The following CDH12 variants were observed in gnomAD, a reference collection of about 807,000 sequenced individuals.
CDH12 encodes the protein cadherin-12.
CDH12 carries 41 observed loss-of-function variants against 74.1 expected under a neutral mutation model. The ratio of observed to expected loss-of-function variants is 0.55; its 90% CI spans 0.43 to 0.72. The LOEUF (loss-of-function observed/expected upper bound fraction) is 0.72. Among genes scored for constraint, CDH12 ranks in the 30% least tolerant of loss-of-function variants. The pLI is 0.00. For missense variants in CDH12, 945 were observed against 977.2 expected (o/e 0.97, Z 0.44); for synonymous variants, 399 against 355.0 (o/e 1.12, Z -1.39).
At chr5:22,670,620 T>A (rs2126912834) in intron 1 of CDH12, among the ~76,000 whole-genome samples, 1 of 152,246 alleles carries the variant, frequency 6.6e-6, no homozygotes, top group African/African-American at 2.4e-5. Flanking sequence ...AGAAATTACA[T>A]GCTTTACTGG....
chr5:22,592,673 C>T (rs1436210937), intron 1 of CDH12, among the ~76,000 whole-genome samples: 1 of 137,958 alleles, frequency 7.2e-6, no homozygotes, highest in African/African-American at 2.7e-5. Context: ...ACAGCTCTCC[C>T]CCTCCACCCC....
intron 2 of CDH12, among the ~76,000 whole-genome samples, chr5:22,420,640 G>A (rs906070157): frequency 6.6e-6 from 1 of 151,956 alleles, no homozygotes; most frequent in African/African-American, 2.4e-5. Context: ...CCTTAAGATT[G>A]TCTCGGCTAT....
chr5:21,769,953 G>A (rs1354375551), intron 11 of CDH12, among the ~76,000 whole-genome samples: 3 of 152,168 alleles, frequency 2.0e-5, no homozygotes, highest in Admixed American at 2.0e-4. Flanking sequence ...ATTTCTATTG[G>A]AGTCAAGACA....
chr5:22,158,066 G>A (rs942090357), intron 4 of CDH12, among the ~76,000 whole-genome samples: 1 of 151,972 alleles, frequency 6.6e-6, no homozygotes, highest in Non-Finnish European at 1.5e-5. Context: ...ATATAAAATA[G>A]AGGGAGAGTA....
At chr5:22,555,107 T>C (rs889640329) in intron 1 of CDH12, among the ~76,000 whole-genome samples, 40 of 152,128 alleles carry the variant, frequency 2.6e-4, no homozygotes, top group Non-Finnish European at 4.4e-5. Flanking sequence ...AACAGTCTTC[T>C]GAACGCATAA....
intron 6 of CDH12, among the ~76,000 whole-genome samples, chr5:21,956,911 CT>C (rs561572574): frequency 2.0e-4 from 29 of 147,764 alleles, no homozygotes; most frequent in East Asian, 1.4e-3. Context: ...TTGCTTTCTT[CT>C]TTTTTTTTTA....
chr5:22,270,030 A>G (rs775704458), intron 3 of CDH12, among the ~76,000 whole-genome samples: 2 of 152,156 alleles, frequency 1.3e-5, no homozygotes, highest in Admixed American at 6.5e-5. Context: ...TTTTCATGCT[A>G]TGTCATCAGA....
At chr5:22,452,029 T>C (rs1183507200) in intron 2 of CDH12, among the ~76,000 whole-genome samples, 3 of 151,778 alleles carry the variant, frequency 2.0e-5, no homozygotes, top group Non-Finnish European at 2.9e-5. Context: ...AGGTGAAATA[T>C]CGCTATAATG....
intron 1 of CDH12, among the ~76,000 whole-genome samples, chr5:22,752,626 CA>C (rs1745647420): frequency 3.7e-5 from 1 of 26,696 alleles, no homozygotes; most frequent in Admixed American, 4.1e-4. Context: ...GTCTGGAGTG[CA>C]GTGGCGAGAT....
chr5:22,331,414 TAG>T (rs1181755420), intron 3 of CDH12, among the ~76,000 whole-genome samples: 1 of 152,138 alleles, frequency 6.6e-6, no homozygotes, highest in East Asian at 1.9e-4. Flanking sequence ...ATAAAAGAAT[TAG>T]AGTCTCTGCC....
intron 3 of CDH12, among the ~76,000 whole-genome samples, chr5:22,262,110 C>CATACACT (rs1308004048): frequency 4.0e-5 from 6 of 151,710 alleles, no homozygotes; most frequent in African/African-American, 1.5e-4. Context: ...CAATGTAATG[C>CATACACT]ATACACTATT....
At chr5:22,465,211 G>C (rs114559906) in intron 2 of CDH12, among the ~76,000 whole-genome samples, 165 of 152,242 alleles carry the variant, frequency 1.1e-3, no homozygotes, top group African/African-American at 3.8e-3. Context: ...CATATTATTT[G>C]AATTTTTTGG....
chr5:22,636,084 T>C (rs986851430), intron 1 of CDH12, among the ~76,000 whole-genome samples: 1 of 152,058 alleles, frequency 6.6e-6, no homozygotes, highest in East Asian at 1.9e-4. Flanking sequence ...AATAAGCATA[T>C]GAAAATGTGC....
intron 3 of CDH12, among the ~76,000 whole-genome samples, chr5:22,337,451 G>A: frequency 6.6e-6 from 1 of 152,172 alleles, no homozygotes; most frequent in Non-Finnish European, 1.5e-5. Flanking sequence ...CCCACATGTT[G>A]TGGGAAGGAC....
rs1203186031 is a variant in CDH12 at position 22,698,703 on chromosome 5, A to AG, written c.-523+154354_-523+154355insC. Among the ~76,000 whole-genome samples the AG allele has an allele frequency of 6.4e-3, 91 of 14,302 alleles. 2 individuals are homozygous for AG. Among genetic ancestry groups the AG allele is most frequent in the African/African-American group, 0.018 (53 of 2,936 alleles). 9.4% of individuals were successfully genotyped at this position (14,302 alleles called of 152,430 possible). A position where few individuals can be genotyped will look rare whatever the true frequency, so the allele number is the denominator to read the frequency against. ...TATATATATATATATATATATATAT[A>AG]TATATATATATATATATATATATAT... is the stretch of plus-strand genomic sequence containing the variant. On this transcript the variant is annotated intron_variant, in intron 1 of 14. Coordinates refer to ENST00000382254, the MANE Select transcript of CDH12 (RefSeq NM_004061.5).
At chr5:22,059,053 T>A (rs1183244034) in intron 5 of CDH12, among the ~76,000 whole-genome samples, 1 of 152,140 alleles carries the variant, frequency 6.6e-6, no homozygotes, top group Non-Finnish European at 1.5e-5. Flanking sequence ...GTTTTTTTTA[T>A]TTGTAGACAG....
chr5:21,786,940 GAAGTA>G (rs1746229137), intron 10 of CDH12, among the ~76,000 whole-genome samples: 1 of 152,128 alleles, frequency 6.6e-6, no homozygotes. Context: ...ACTGAAATTA[GAAGTA>G]AAGCCCTAAG....
At chr5:22,084,649 T>C (rs539798531) in intron 4 of CDH12, among the ~76,000 whole-genome samples, 1 of 152,292 alleles carries the variant, frequency 6.6e-6, no homozygotes, top group African/African-American at 2.4e-5. Flanking sequence ...TCTATAACAC[T>C]ACAGTCCTTC....
rs184045741 is a variant in CDH12, at chr5:22,613,645, G to A, written c.-522-108281C>T. Among the ~76,000 whole-genome samples the A allele has an allele frequency of 3.8e-3, 581 of 152,140 alleles. 3 individuals are homozygous for A. The highest frequency in any genetic ancestry group is 0.011 in the African/African-American group (455 of 41,514). The stretch of plus-strand genomic sequence containing the variant: ...TGTTATGTATGTATTTATGCACATC[G>A]TGACTTGTTCCAGAAAGGATTAAAT... On this transcript the variant is annotated intron_variant, in intron 1 of 14. Coordinates refer to ENST00000382254, the MANE Select transcript of CDH12 (RefSeq NM_004061.5).
Sources: gnomAD v4.1 joint callset for allele counts (sites outside exome capture counted in the v4.1 genomes callset) on GRCh38, gnomAD v4.1.1 for gene constraint, MANE v1.5 for transcripts, NCBI Gene and HGNC (gene_info 2026-07-23, HGNC 2026-07-21) for gene names.